The following DNAJB2 variants were observed in gnomAD, a reference collection of about 807,000 sequenced individuals.
The protein encoded by DNAJB2 is dnaJ homolog subfamily B member 2.
In DNAJB2, 19 loss-of-function variants were observed where a neutral mutation model predicts 33.3. That is an observed-to-expected ratio of 0.57 (90% CI 0.40 to 0.84). The LOEUF (loss-of-function observed/expected upper bound fraction) is 0.84, where lower values mean the gene tolerates loss of function less well. Ranked by LOEUF, DNAJB2 falls within the 40% of genes least tolerant of loss-of-function variation. DNAJB2 has a pLI of 0.00. For missense variants in DNAJB2, 368 were observed against 430.9 expected, an observed-to-expected ratio of 0.85 and a Z score of 1.29; for synonymous variants, 172 against 164.6, an observed-to-expected ratio of 1.04 and a Z score of -0.34.
chr2:219,286,022 C>T lies in DNAJB2; in HGVS notation c.*1035C>T, dbSNP rs1461070740. 6.2e-7 allele frequency: 1 copy of T among 1,612,454 alleles called. No individual in the cohort carries two copies. The highest frequency in any genetic ancestry group is 1.1e-5 in the South Asian group (1 of 91,078). On this transcript the variant is annotated 3_prime_UTR_variant, in exon 9 of 9. Coordinates refer to ENST00000336576, the MANE Select transcript of DNAJB2 (RefSeq NM_006736.6). ...AGCTGGATGCCGGGTTCCAGAATCG[C>T]TGCACAGTTCCAACAGGACAGCGCC...
chr2:219,280,623 T>A lies in DNAJB2; in HGVS notation c.111T>A (p.Asp37Glu). ...ALQWHPDKNP[D>E]NKEFAEKKFK... ...AGTGGCACCCAGACAAAAACCCAGA[T>A]AATAAAGAGTTTGCTGAGAAGAAAT... The change falls in exon 3 of 9, where the codon GAT (aspartate) becomes GAA (glutamate). Residue 37 changes from aspartate (D) to glutamate (E), a missense_variant. Physicochemically the swap from Asp to Glu is conservative, Grantham distance 45. Coordinates refer to ENST00000336576, the MANE Select transcript of DNAJB2 (RefSeq NM_006736.6). 2 of 1,614,008 alleles carry A rather than the reference T, an allele frequency of 1.2e-6. No homozygotes were observed. The highest frequency in any genetic ancestry group is 1.7e-6 in the Non-Finnish European group (2 of 1,179,990).
rs1192324231 is a variant in DNAJB2 at position 219,286,578 on chromosome 2, G to C, written c.*1591G>C. 1 of 153,076 alleles carries C rather than the reference G, an allele frequency of 6.5e-6. No individual in the cohort carries two copies. 9.5% of individuals were successfully genotyped at this position (153,076 alleles called of 1,614,324 possible). ...CAGGGTGTGGCCCCAGAAAGCTGAG[G>C]AGTGTGGGCTGGCAGAGAGCTTCGA... On this transcript the variant is annotated 3_prime_UTR_variant, in exon 9 of 9. Transcript: ENST00000336576.
At chr2:219,282,196 G>A (rs777846439) in intron 5 of DNAJB2, 135 bp downstream of exon 5, 6 of 1,472,280 alleles carry the variant, frequency 4.1e-6, no homozygotes, top group Non-Finnish European at 5.6e-6. Context: ...GTGGAGCTGG[G>A]TCCAGTGAGA....
chr2:219,283,702 T>C (rs895922633), intron 8 of DNAJB2, among the ~76,000 whole-genome samples: 2 of 152,208 alleles, frequency 1.3e-5, no homozygotes, highest in African/African-American at 4.8e-5. Context: ...GTGCCTTACA[T>C]TTGCAAAGCA....
At chr2:219,280,151 CT>C in intron 2 of DNAJB2, 1 of 358,682 alleles carries the variant, frequency 2.8e-6, no homozygotes, top group Non-Finnish European at 5.2e-6. Context: ...TGATCTTCCC[CT>C]CCTCCTCCTC....
At chr2:219,282,317 C>A in intron 5 of DNAJB2, 1 of 541,470 alleles carries the variant, frequency 1.8e-6, no homozygotes, top group Non-Finnish European at 3.3e-6. Flanking sequence ...TCTATAGTAA[C>A]AGCCATGAAA....
chr2:219,279,899 G>A lies in DNAJB2; in HGVS notation c.65+1G>A, dbSNP rs1951889033. On this transcript the variant is annotated splice_donor_variant, in intron 2 of 8. Transcript: ENST00000336576. LOFTEE classifies it high-confidence loss of function. This position sits in a 1 kb window ranked among gnomAD's most constrained non-coding sequence, Gnocchi z 4.9. ...CGTCCGCTGATGACATCAAGAAGGC[G>A]TAAGTGCCTCCGTATGCAACAGAAG... is the stretch of plus-strand genomic sequence containing the variant. 1 of 1,613,730 alleles carries A rather than the reference G, an allele frequency of 6.2e-7. No homozygotes were observed. The highest frequency in any genetic ancestry group is 1.3e-5 in the African/African-American group (1 of 74,882).
Position 219,285,104 on chromosome 2 carries a change from C to T in DNAJB2, c.*117C>T. 2 of 1,385,562 alleles carry T rather than the reference C, an allele frequency of 1.4e-6. No homozygotes were observed. The highest frequency in any genetic ancestry group is 1.9e-5 in the South Asian group (1 of 52,706). 85.8% of individuals were successfully genotyped at this position (1,385,562 alleles called of 1,614,324 possible). On this transcript the variant is annotated 3_prime_UTR_variant, in exon 9 of 9. Coordinates refer to ENST00000336576, the MANE Select transcript of DNAJB2 (RefSeq NM_006736.6). The stretch of plus-strand genomic sequence containing the variant: ...ACTGCTTTCCAACTCCAAGCTCCCT[C>T]CACAAGTTTCCCTCCCAGGCCCCCC...
chr2:219,282,635 A>G (rs993659972), intron 5 of DNAJB2: 17 of 494,492 alleles, frequency 3.4e-5, no homozygotes, highest in Middle Eastern at 6.4e-4. Context: ...TCCTTCCTTT[A>G]TTCTTTATTG....
rs1473942003 is a variant in DNAJB2, at chr2:219,284,943, A to T, written c.931A>T (p.Ser311Cys). 3 of 1,559,496 alleles carry T rather than the reference A, an allele frequency of 1.9e-6. No individual in the cohort carries two copies. The African/African-American group carries it at 4.1e-5, about 21-fold the overall frequency. ...EGARGEATKR[S>C]PSPEEKASRC... ...TGCGAGGGGTGAAGCAACCAAACGC[A>T]GTCCATCCCCAGAGGAGAAGGCCTC... Residue 311 changes from serine to cysteine, a missense_variant, in exon 9 of 9, where the codon AGT (serine) becomes TGT (cysteine). Coordinates refer to ENST00000336576, the MANE Select transcript of DNAJB2 (RefSeq NM_006736.6).
intron 8 of DNAJB2, among the ~76,000 whole-genome samples, chr2:219,284,422 T>A (rs1402762016): frequency 2.0e-5 from 3 of 152,278 alleles, no homozygotes; most frequent in Non-Finnish European, 2.9e-5. Flanking sequence ...GGGGTAGGGA[T>A]GTTGAGTGAC....
At chr2:219,281,234 CACAG>C in intron 3 of DNAJB2, 1 of 190,420 alleles carries the variant, frequency 5.3e-6, no homozygotes, top group Non-Finnish European at 1.1e-5. Flanking sequence ...CAGGCACACA[CACAG>C]ACACAGTTAC....
Position 219,282,386 on chromosome 2 carries a change from G to T in DNAJB2, c.352+325G>T, listed in dbSNP as rs6436130. Reference sequence around the variant, plus strand: ...ATTATTACCTATAAAACAGATAGTGGTATTTTTTAATGATAGATATGTGCC... The same window carrying T: ...ATTATTACCTATAAAACAGATAGTGTTATTTTTTAATGATAGATATGTGCC... On this transcript the variant is annotated intron_variant, in intron 5 of 8. Transcript: ENST00000336576. The T allele has an allele frequency of 0.16, 62,755 of 391,984 alleles. 5,772 individuals are homozygous for T. The highest frequency in any genetic ancestry group is 0.27 in the Middle Eastern group (765 of 2,836). The allele number at this position is 391,984 out of a possible 1,614,324, so 24.3% of individuals were successfully genotyped here. A position where few individuals can be genotyped will look rare whatever the true frequency, so the allele number is the denominator to read the frequency against.
Position 219,285,043 on chromosome 2 carries a change from T to G in DNAJB2, c.*56T>G. ...CTTGACTGGGGGGTCTGACTCACTG[T>G]GGGAAGAGAAGAGGGGAGTATCCTG... On this transcript the variant is annotated 3_prime_UTR_variant, in exon 9 of 9. Coordinates refer to ENST00000336576, the MANE Select transcript of DNAJB2 (RefSeq NM_006736.6). The G allele has an allele frequency of 1.4e-6, 2 of 1,441,212 alleles. No homozygotes were observed. The highest frequency in any genetic ancestry group is 1.8e-6 in the Non-Finnish European group (2 of 1,091,308). 89.3% of individuals were successfully genotyped at this position (1,441,212 alleles called of 1,614,324 possible).
In DNAJB2 at chr2:219,282,064, G is replaced by A; in HGVS notation, c.352+3G>A. On this transcript the variant is annotated splice_donor_region_variant and intron_variant, in intron 5 of 8. Transcript: ENST00000336576. ...AGACCCTTTTGCAGAGCTCTTTGGTGAGTGGACTCTGGAAGCCTCTGAATG... is the reference window on the plus strand; with the variant it reads ...AGACCCTTTTGCAGAGCTCTTTGGTAAGTGGACTCTGGAAGCCTCTGAATG... 1 of 1,614,130 alleles carries A rather than the reference G, an allele frequency of 6.2e-7. No homozygotes were observed. Among genetic ancestry groups the A allele is most frequent in the Non-Finnish European group, 8.5e-7 (1 of 1,180,038 alleles).
At position 219,282,051 on chromosome 2, in the gene DNAJB2, A is replaced by C. The variant is rs1050045878; in HGVS notation, c.342A>C (p.Ala114=). Residue 114 remains alanine (A), a synonymous_variant, in exon 5 of 9, where the codon GCA becomes GCC. Coordinates refer to ENST00000336576, the MANE Select transcript of DNAJB2 (RefSeq NM_006736.6). ...TCTTTGGGAGTGGAGACCCTTTTGC[A>C]GAGCTCTTTGGTGAGTGGACTCTGG... ...REFFGSGDPF[A]ELFDDLGPFS... is the part of the protein sequence containing the mutation. 1.9e-6 allele frequency: 3 copies of C among 1,613,998 alleles called. No individual in the cohort carries two copies. In the African/African-American group the frequency reaches 4.0e-5, roughly 22 times the overall value.
At chr2:219,280,313 C>G in intron 2 of DNAJB2, 1 of 557,360 alleles carries the variant, frequency 1.8e-6, no homozygotes, top group Non-Finnish European at 3.2e-6. Flanking sequence ...ACCTTTGCAG[C>G]CCCAGTCCAG....
At chr2:219,281,523 T>C (rs1951903799) in intron 3 of DNAJB2, 195 bp from the exon 4 acceptor site, 1 of 631,430 alleles carries the variant, frequency 1.6e-6, no homozygotes, top group African/African-American at 1.8e-5. Flanking sequence ...ATTTTCCAGA[T>C]GAGAAGAGGC....
rs916480780 is a variant in DNAJB2, at chr2:219,282,891, CCTT to C, written c.411_413del (p.Phe138del). The C allele has an allele frequency of 2.1e-5, 34 of 1,606,542 alleles. 2 individuals are homozygous for C. On this transcript the variant is annotated inframe_deletion, in exon 6 of 9. Transcript: ENST00000336576. ...AACCGGGGTTCCCGACACTCAGGCC[CCTT>C]CTTTACCTTCTCTTCCTCCTTCCCT...
Sources: gnomAD v4.1 joint callset for allele counts (sites outside exome capture counted in the v4.1 genomes callset) on GRCh38, gnomAD v4.1.1 for gene constraint, Gnocchi (gnomAD v3.1) non-coding constraint, MANE v1.5 for transcripts, NCBI Gene and HGNC (gene_info 2026-07-23, HGNC 2026-07-21) for gene names.